NCBP3: variants seen among roughly 807,000 people sequenced by gnomAD.
The protein encoded by NCBP3 is nuclear cap-binding protein subunit 3.
A neutral mutation model predicts 75.7 loss-of-function variants in NCBP3; 20 were observed. The observed-to-expected ratio is 0.26, with a 90% confidence interval of 0.19 to 0.38. The LOEUF is 0.38. Ranked by LOEUF, NCBP3 falls within the 10% of genes least tolerant of loss-of-function variation. The probability of loss-of-function intolerance (pLI) is 1.00; values close to 1 mark genes in which losing one functional copy is unlikely to be tolerated. For synonymous variants in NCBP3, 293 were observed against 290.5 expected (o/e 1.01, Z -0.09); for missense variants, 678 against 796.9 (o/e 0.85, Z 1.80).
chr17:3,814,664 A>ATAGG (rs938247737), intron 11 of NCBP3, among the ~76,000 whole-genome samples, 181 bp from the exon 12 acceptor site: 2 of 152,186 alleles, frequency 1.3e-5, no homozygotes, highest in Admixed American at 6.5e-5. Flanking sequence ...AAATTCGGAC[A>ATAGG]TAGGGGCTGT....
rs759984987 is a variant in NCBP3, at chr17:3,846,029, C to A, written c.183+12G>T. On this transcript the variant is annotated intron_variant, in intron 1 of 12. Coordinates refer to ENST00000389005, the MANE Select transcript of NCBP3 (RefSeq NM_001114118.3). This position sits in a 1 kb window ranked among gnomAD's most constrained non-coding sequence, Gnocchi z 4.6. ...CGCGACCTCTTCCTTACCCCCCGAC[C>A]CCCGCCCGTACCGGGATCAGTTCCT... 6.5e-7 allele frequency: 1 copy of A among 1,545,856 alleles called. No individual in the cohort carries two copies. The highest frequency in any genetic ancestry group is 1.4e-5 in the African/African-American group (1 of 72,190).
rs2053302173 is a variant in NCBP3, at chr17:3,803,672, T to C, written c.*9372A>G. 1 of 152,228 alleles carries C rather than the reference T, an allele frequency of 6.6e-6. No individual in the cohort carries two copies. The highest frequency in any genetic ancestry group is 1.9e-4 in the East Asian group (1 of 5,204). 9.4% of individuals were successfully genotyped at this position (152,228 alleles called of 1,614,324 possible). On this transcript the variant is annotated 3_prime_UTR_variant, in exon 13 of 13. Transcript: ENST00000389005. ...AAATGTGGCAAAATGTTCTTTGTTG[T>C]ACCCTTCAAACTGCTGTGATTTTGA...
At chr17:3,825,704 G>T in intron 6 of NCBP3, 63 bp downstream of exon 6, 1 of 1,250,128 alleles carries the variant, frequency 8.0e-7, no homozygotes, top group Non-Finnish European at 1.1e-6. Flanking sequence ...TAAGGCTTAA[G>T]TTAAAAAGAC....
intron 1 of NCBP3, 80 bp from the exon 2 acceptor site, chr17:3,843,231 G>A (rs1252917900): frequency 8.2e-6 from 9 of 1,102,022 alleles, no homozygotes; most frequent in Non-Finnish European, 1.2e-5. Flanking sequence ...GACATCTGCA[G>A]GTTCTTTTTT....
Position 3,821,933 on chromosome 17 carries a change from T to C in NCBP3, c.896+20A>G. 6.7e-7 allele frequency: 1 copy of C among 1,493,380 alleles called. No individual in the cohort carries two copies. The highest frequency in any genetic ancestry group is 9.3e-7 in the Non-Finnish European group (1 of 1,077,862). 92.5% of individuals were successfully genotyped at this position (1,493,380 alleles called of 1,614,324 possible). A position where few individuals can be genotyped will look rare whatever the true frequency, so the allele number is the denominator to read the frequency against. On this transcript the variant is annotated intron_variant, in intron 8 of 12. Transcript: ENST00000389005. ...TAAGAAAAACTCAAATACTATTGCA[T>C]TTGAAGGTTTTGGACTCACCATGAA...
At position 3,810,541 on chromosome 17, in the gene NCBP3, T is replaced by C. The variant is rs2053393204; in HGVS notation, c.*2503A>G. The stretch of plus-strand genomic sequence containing the variant: ...CAGGGTAAAATCACGCCCAGCTGCC[T>C]GCCACGGGCCTGTCCTGACTATCCA... On this transcript the variant is annotated 3_prime_UTR_variant, in exon 13 of 13. Transcript: ENST00000389005. The C allele has an allele frequency of 6.6e-6, 1 of 152,296 alleles. No individual in the cohort carries two copies. The highest frequency in any genetic ancestry group is 1.5e-5 in the Non-Finnish European group (1 of 68,104). 9.4% of individuals were successfully genotyped at this position (152,296 alleles called of 1,614,324 possible).
intron 1 of NCBP3, among the ~76,000 whole-genome samples, chr17:3,844,888 C>T (rs985635002): frequency 6.6e-6 from 1 of 152,182 alleles, no homozygotes; most frequent in South Asian, 2.1e-4. Context: ...GAGCCGAGAT[C>T]GCGCCATTGC....
Position 3,810,103 on chromosome 17 carries a change from T to C in NCBP3, c.*2941A>G, listed in dbSNP as rs1039462793. 6 of 152,220 alleles carry C rather than the reference T, an allele frequency of 3.9e-5. No individual in the cohort carries two copies. Among genetic ancestry groups the C allele is most frequent in the Non-Finnish European group, 8.8e-5 (6 of 68,044 alleles). 9.4% of individuals were successfully genotyped at this position (152,220 alleles called of 1,614,324 possible). A position where few individuals can be genotyped will look rare whatever the true frequency, so the allele number is the denominator to read the frequency against. The stretch of plus-strand genomic sequence containing the variant: ...CGGTGCTGGTGCATAACTGTAAATA[T>C]ACTAAAAGCCACTCAAGTGTACACT... On this transcript the variant is annotated 3_prime_UTR_variant, in exon 13 of 13. Coordinates refer to ENST00000389005, the MANE Select transcript of NCBP3 (RefSeq NM_001114118.3).
chr17:3,841,083 T>A (rs1294332307), intron 2 of NCBP3, among the ~76,000 whole-genome samples: 2 of 152,102 alleles, frequency 1.3e-5, no homozygotes, highest in Non-Finnish European at 2.9e-5. Context: ...TTCAAGAGAT[T>A]CTCCTGCCTT....
rs1320182265 is a variant in NCBP3 at position 3,804,959 on chromosome 17, T to G, written c.*8085A>C. The G allele has an allele frequency of 6.6e-6, 1 of 152,230 alleles. No individual in the cohort carries two copies. Among genetic ancestry groups the G allele is most frequent in the Non-Finnish European group, 1.5e-5 (1 of 68,080 alleles). 9.4% of individuals were successfully genotyped at this position (152,230 alleles called of 1,614,324 possible). On this transcript the variant is annotated 3_prime_UTR_variant, in exon 13 of 13. Transcript: ENST00000389005. ...TCTCCTGCCTTCAGCTCTTTTGGTG[T>G]GTAGACTTTTTTTATTTTTGTTTTT... is the stretch of plus-strand genomic sequence containing the variant.
At chr17:3,829,451 C>G (rs2053841014) in intron 3 of NCBP3, 83 bp from the exon 4 acceptor site, 1 of 1,422,562 alleles carries the variant, frequency 7.0e-7, no homozygotes, top group Non-Finnish European at 9.5e-7. Context: ...CCTAATAGTT[C>G]AGACAACACG....
At chr17:3,815,909 GAATAAA>G (rs1173774282) in intron 11 of NCBP3, among the ~76,000 whole-genome samples, 2 of 152,180 alleles carry the variant, frequency 1.3e-5, no homozygotes, top group Non-Finnish European at 1.5e-5. Context: ...TAATTATTTG[GAATAAA>G]AACATTTAAA....
rs1314914823 is a variant in NCBP3 at position 3,804,067 on chromosome 17, C to T, written c.*8977G>A. Reference sequence around the variant, plus strand: ...ACTCCACTTGGGTGACAGAGCGAGACTCCGTCTCAGAAAAAGTGGCCAGGT... The same window carrying T: ...ACTCCACTTGGGTGACAGAGCGAGATTCCGTCTCAGAAAAAGTGGCCAGGT... On this transcript the variant is annotated 3_prime_UTR_variant, in exon 13 of 13. Coordinates refer to ENST00000389005, the MANE Select transcript of NCBP3 (RefSeq NM_001114118.3). 1 of 152,330 alleles carries T rather than the reference C, an allele frequency of 6.6e-6. No homozygotes were observed. Among genetic ancestry groups the T allele is most frequent in the East Asian group, 1.9e-4 (1 of 5,174 alleles). The allele number at this position is 152,330 out of a possible 1,614,324, so 9.4% of individuals were successfully genotyped here. A position where few individuals can be genotyped will look rare whatever the true frequency, so the allele number is the denominator to read the frequency against.
At chr17:3,842,535 C>T (rs1351252111) in intron 2 of NCBP3, among the ~76,000 whole-genome samples, 4 of 152,194 alleles carry the variant, frequency 2.6e-5, no homozygotes, top group South Asian at 2.1e-4. Context: ...AAGCATCCCC[C>T]GTCTTGGACA....
intron 4 of NCBP3, among the ~76,000 whole-genome samples, chr17:3,828,120 C>T (rs954986730): frequency 2.0e-5 from 3 of 152,100 alleles, no homozygotes; most frequent in African/African-American, 4.8e-5. Context: ...GGTTTTGCCA[C>T]GTTGGCCAGG....
intron 3 of NCBP3, among the ~76,000 whole-genome samples, chr17:3,839,319 A>G (rs975439241): frequency 6.6e-6 from 1 of 152,174 alleles, no homozygotes. Flanking sequence ...AGTGGTTTAC[A>G]TATATCAGAT....
At chr17:3,844,275 G>C (rs1332725816) in intron 1 of NCBP3, among the ~76,000 whole-genome samples, 1 of 152,184 alleles carries the variant, frequency 6.6e-6, no homozygotes, top group Non-Finnish European at 1.5e-5. Context: ...ACACTGTATA[G>C]TTTTCTTGAC....
rs997309377 is a variant in NCBP3, at chr17:3,805,492, G to A, written c.*7552C>T. 1 of 152,208 alleles carries A rather than the reference G, an allele frequency of 6.6e-6. No homozygotes were observed. The highest frequency in any genetic ancestry group is 2.4e-5 in the African/African-American group (1 of 41,432). The allele number at this position is 152,208 out of a possible 1,614,324, so 9.4% of individuals were successfully genotyped here. On this transcript the variant is annotated 3_prime_UTR_variant, in exon 13 of 13. Coordinates refer to ENST00000389005, the MANE Select transcript of NCBP3 (RefSeq NM_001114118.3). The stretch of plus-strand genomic sequence containing the variant: ...GGTGGCCTTACAAGAGCCATGTGCA[G>A]GCACCAAGAAAAGCCTACGTGAATA...
chr17:3,834,503 C>T (rs527943320), intron 3 of NCBP3, among the ~76,000 whole-genome samples: 5 of 152,294 alleles, frequency 3.3e-5, no homozygotes, highest in African/African-American at 7.2e-5. Flanking sequence ...AGGCTAGGCG[C>T]GGTGGCTCAC....
Sources: allele counts gnomAD v4.1 joint callset (sites outside exome capture counted in the v4.1 genomes callset), GRCh38; gene constraint gnomAD v4.1.1; non-coding constraint Gnocchi (gnomAD v3.1); transcripts MANE v1.5; gene names NCBI Gene and HGNC (gene_info 2026-07-23, HGNC 2026-07-21).